HPX: variants seen among roughly 807,000 people sequenced by gnomAD.
HPX encodes the protein beta-1B-glycoprotein.
A neutral mutation model predicts 53.8 loss-of-function variants in HPX; 42 were observed. The observed-to-expected ratio is 0.78, with a 90% CI of 0.61 to 1.01. The LOEUF is 1.01. Among genes scored for constraint, HPX ranks in the 50% least tolerant of loss-of-function variants. The pLI is 0.00. For missense variants in HPX, 547 were observed against 594.3 expected, an observed-to-expected ratio of 0.92 and a Z score of 0.83; for synonymous variants, 229 against 221.1, an observed-to-expected ratio of 1.04 and a Z score of -0.32.
chr11:6,439,861 T>G, intron 4 of HPX: 1 of 404,988 alleles, frequency 2.5e-6, no homozygotes. Context: ...GAGGACTTGA[T>G]ACAGGGTCAT....
chr11:6,431,500 C>T (rs771139067), intron 9 of HPX, 30 bp from the exon 10 acceptor site: 5 of 1,613,260 alleles, frequency 3.1e-6, no homozygotes, highest in Non-Finnish European at 4.2e-6. Context: ...CATAGCATGG[C>T]TTCCATGTCA....
chr11:6,440,788 CCT>C (rs1849474816), intron 1 of HPX, 58 bp from the exon 2 acceptor site: 1 of 1,596,298 alleles, frequency 6.3e-7, no homozygotes, highest in Non-Finnish European at 8.6e-7. Flanking sequence ...TCCCATAGCC[CCT>C]GACCCCAAAT....
At chr11:6,438,718 T>C (rs16913559) in intron 4 of HPX, among the ~76,000 whole-genome samples, 4,658 of 152,314 alleles carry the variant, frequency 0.031, 251 homozygotes, top group African/African-American at 0.11. Flanking sequence ...ATAACACACA[T>C]GCCTCTAGCT....
chr11:6,436,689 A>C (rs371141542), intron 7 of HPX, among the ~76,000 whole-genome samples: 8 of 152,180 alleles, frequency 5.3e-5, no homozygotes, highest in African/African-American at 1.9e-4. Flanking sequence ...GAACAAAGGG[A>C]GGCAAGGAGG....
chr11:6,440,651 CTT>C lies in HPX; in HGVS notation c.142+19_142+20del. 6.3e-7 allele frequency: 1 copy of C among 1,581,338 alleles called. No homozygotes were observed. Among genetic ancestry groups the C allele is most frequent in the South Asian group, 1.1e-5 (1 of 90,196 alleles). On this transcript the variant is annotated intron_variant, in intron 2 of 9. Transcript: ENST00000265983. ...GACACAACCAGACAGATAAGACAGA[CTT>C]AGGGAGTCAGGGCCTCACCAGTCAC...
chr11:6,432,846 C>G (rs558104299), intron 7 of HPX, among the ~76,000 whole-genome samples: 1 of 152,238 alleles, frequency 6.6e-6, no homozygotes, highest in African/African-American at 2.4e-5. Context: ...CTCTCTCTAC[C>G]TTCACTTCCT....
At chr11:6,436,897 T>A in intron 7 of HPX, 149 bp downstream of exon 7, 1 of 819,822 alleles carries the variant, frequency 1.2e-6, no homozygotes, top group South Asian at 1.7e-5. Context: ...GCCTCAGAGA[T>A]GAGGGATGCA....
At chr11:6,437,266 G>T in intron 6 of HPX, 89 bp from the exon 7 acceptor site, 1 of 1,493,758 alleles carries the variant, frequency 6.7e-7, no homozygotes, top group Non-Finnish European at 9.1e-7. Context: ...GGGTTAGTGG[G>T]GTGTGGGTTT....
chr11:6,437,747 G>C (rs1018170289), intron 5 of HPX, 95 bp from the exon 6 acceptor site: 22 of 873,832 alleles, frequency 2.5e-5, no homozygotes, highest in Admixed American at 3.9e-5. Context: ...TAATGGTACT[G>C]ACCACATGGA....
At chr11:6,437,014 A>T (rs774572078) in intron 7 of HPX, 32 bp downstream of exon 7, 2 of 1,609,980 alleles carry the variant, frequency 1.2e-6, no homozygotes, top group East Asian at 4.5e-5. Flanking sequence ...GAGATGTGAG[A>T]GCACATTGGG....
chr11:6,434,528 A>C (rs796962498), intron 7 of HPX, among the ~76,000 whole-genome samples: 27 of 151,902 alleles, frequency 1.8e-4, no homozygotes, highest in Middle Eastern at 3.4e-3. Context: ...ATGAGATTTC[A>C]CCATGTTGCC....
At chr11:6,432,285 G>A (rs1284930082) in intron 7 of HPX, 3 of 497,980 alleles carry the variant, frequency 6.0e-6, no homozygotes, top group Non-Finnish European at 1.1e-5. Context: ...CCAACATCAT[G>A]GGGTTGGCGG....
rs1442366040 is a variant in HPX, at chr11:6,440,595, A to C, written c.143-57T>G. On this transcript the variant is annotated intron_variant, in intron 2 of 9. Transcript: ENST00000265983. ...AAAAAAAAAAAAAAAAAAAAAAAAAAAAAAAAAACCAGAAGGTGATAAAAT... is the reference window on the plus strand; with the variant it reads ...AAAAAAAAAAAAAAAAAAAAAAAAACAAAAAAAACCAGAAGGTGATAAAAT... The C allele has an allele frequency of 5.0e-5, 64 of 1,271,120 alleles. 1 individual carries two copies. In the East Asian group the frequency reaches 1.3e-3, roughly 26 times the overall value. The allele number at this position is 1,271,120 out of a possible 1,614,324, so 78.7% of individuals were successfully genotyped here. A position where few individuals can be genotyped will look rare whatever the true frequency, so the allele number is the denominator to read the frequency against.
Position 6,437,102 on chromosome 11 carries a change from T to C in HPX, c.779A>G (p.His260Arg). 3 of 1,614,108 alleles carry C rather than the reference T, an allele frequency of 1.9e-6. No individual in the cohort carries two copies. Among genetic ancestry groups the C allele is most frequent in the Non-Finnish European group, 2.5e-6 (3 of 1,180,010 alleles). ...HGPEYMRCSP[H>R]LVLSALTSDN... Reference sequence around the variant, plus strand: ...AGACGTCAGTGCAGACAAGACTAGATGTGGGCTACAGCGCATATACTCAGG... The same window carrying C: ...AGACGTCAGTGCAGACAAGACTAGACGTGGGCTACAGCGCATATACTCAGG... Residue 260 changes from histidine to arginine, a missense_variant, in exon 7 of 10, where the codon CAT becomes CGT. Physicochemically the swap from His to Arg is conservative, Grantham distance 29. Coordinates refer to ENST00000265983, the MANE Select transcript of HPX (RefSeq NM_000613.3).
At chr11:6,432,752 GTATTCCTCT>G (rs1405190280) in intron 7 of HPX, among the ~76,000 whole-genome samples, 1 of 152,062 alleles carries the variant, frequency 6.6e-6, no homozygotes, top group East Asian at 1.9e-4. Context: ...GACTCTCCCA[GTATTCCTCT>G]TATCTTTTTT....
rs557926208 is a variant in HPX at position 6,432,896 on chromosome 11, A to G, written c.836-879T>C. On this transcript the variant is annotated intron_variant, in intron 7 of 9. Coordinates refer to ENST00000265983, the MANE Select transcript of HPX (RefSeq NM_000613.3). ...AGTCCAGGGGCTTTAAATGCCATCTATATGCTGATGACTTCCAATCTGTTC... is the reference window on the plus strand; with the variant it reads ...AGTCCAGGGGCTTTAAATGCCATCTGTATGCTGATGACTTCCAATCTGTTC... Among the ~76,000 whole-genome samples, 498 of 152,234 alleles carry G rather than the reference A, an allele frequency of 3.3e-3. 1 individual carries two copies. Among genetic ancestry groups the G allele is most frequent in the Non-Finnish European group, 5.0e-3 (341 of 68,028 alleles).
intron 5 of HPX, 161 bp from the exon 6 acceptor site, chr11:6,437,813 C>T (rs966686708): frequency 2.4e-5 from 15 of 629,344 alleles, no homozygotes; most frequent in Non-Finnish European, 2.9e-6. Flanking sequence ...CAAAATTCAG[C>T]AGCAAAACAC....
rs1174276544 is a variant in HPX, at chr11:6,438,348, G to A, written c.490+8C>T. The A allele has an allele frequency of 1.2e-6, 2 of 1,613,758 alleles. No homozygotes were observed. The highest frequency in any genetic ancestry group is 1.7e-5 in the Admixed American group (1 of 59,982). ...ACTCCAGGTTCTTGGATTCCAGCCT[G>A]GACTGACCTTGGAAGAAGAGGACGC... is the stretch of plus-strand genomic sequence containing the variant. On this transcript the variant is annotated splice_region_variant and intron_variant, in intron 5 of 9. Coordinates refer to ENST00000265983, the MANE Select transcript of HPX (RefSeq NM_000613.3).
chr11:6,432,914 A>G (rs2081805264), intron 7 of HPX, among the ~76,000 whole-genome samples: 1 of 152,012 alleles, frequency 6.6e-6, no homozygotes, highest in Admixed American at 6.6e-5. Context: ...ATGACTTCCA[A>G]TCTGTTCTCG....
Sources: allele counts gnomAD v4.1 joint callset (sites outside exome capture counted in the v4.1 genomes callset), GRCh38; gene constraint gnomAD v4.1.1; transcripts MANE v1.5; gene names NCBI Gene and HGNC (gene_info 2026-07-23, HGNC 2026-07-21).